PCDHGC4: variants seen among roughly 807,000 people sequenced by gnomAD.
The protein encoded by PCDHGC4 is protocadherin gamma-C4.
Under a neutral mutation model 59.7 loss-of-function variants are expected in PCDHGC4, and 15 were observed. The ratio of observed to expected loss-of-function variants is 0.25; its 90% CI spans 0.17 to 0.39. The LOEUF is 0.39. PCDHGC4 is among the 10% of genes least tolerant of loss of function. PCDHGC4 has a pLI of 1.00. For missense variants in PCDHGC4, 1,016 were observed against 1,189.5 expected (o/e 0.85, Z 2.15); for synonymous variants, 434 against 481.4 (o/e 0.90, Z 1.29).
Position 141,501,290 on chromosome 5 carries a change from TACACACACACACAC to T in PCDHGC4, c.2502-4072_2502-4059del, listed in dbSNP as rs55762287. ...GTCCAGTCTATGGGATATTCCCTTA[TACACACACACACAC>T]ACACACACACACACACACACACACA... On this transcript the variant is annotated intron_variant, in intron 2 of 3. Transcript: ENST00000306593. Among the ~76,000 whole-genome samples, 10 of 136,248 alleles carry T rather than the reference TACACACACACACAC, an allele frequency of 7.3e-5. No homozygotes were observed. In the South Asian group the frequency reaches 1.2e-3, roughly 16 times the overall value. 89.4% of individuals were successfully genotyped at this position (136,248 alleles called of 152,430 possible).
chr5:141,505,911 A>C (rs2099849083), intron 3 of PCDHGC4, among the ~76,000 whole-genome samples: 1 of 152,154 alleles, frequency 6.6e-6, no homozygotes, highest in South Asian at 2.1e-4. Flanking sequence ...CAAAGCATAG[A>C]GTTCTGGGCC....
In PCDHGC4 at chr5:141,486,017, A is replaced by G. The variant is rs746747518; in HGVS notation, c.844A>G (p.Ser282Gly). Residue 282 changes from serine (S) to glycine (G), a missense_variant, in exon 1 of 4, where the codon AGT (serine) becomes GGT (glycine). Physicochemically the swap from Ser to Gly is moderately conservative, Grantham distance 56 (BLOSUM62 0). Transcript: ENST00000306593. The surrounding 1 kb of genome is among the most constrained non-coding windows in gnomAD (Gnocchi z 5.0). ...CAGTGGTAACGTCACCTTTTATTTC[A>G]GTGGTCATACCCCTGATCGTGTAAG... ...GPSGNVTFYF[S>G]GHTPDRVRNL... The G allele has an allele frequency of 6.2e-7, 1 of 1,614,176 alleles. No homozygotes were observed. The highest frequency in any genetic ancestry group is 1.7e-5 in the Admixed American group (1 of 60,026).
Position 141,485,395 on chromosome 5 carries a change from C to T in PCDHGC4, c.222C>T (p.His74=). The change falls in exon 1 of 4, where the codon CAC becomes CAT. Residue 74 remains histidine, a synonymous_variant. Coordinates refer to ENST00000306593, the MANE Select transcript of PCDHGC4 (RefSeq NM_018928.3). The surrounding 1 kb of genome is among the most constrained non-coding windows in gnomAD (Gnocchi z 5.7). The part of the protein sequence containing the change: ...LQVAGEVNQR[H]FRVDLDSGAL... Reference sequence around the variant, plus strand: ...TCGCTGGAGAGGTGAACCAAAGACACTTCCGTGTGGATTTGGACAGCGGAG... The same window carrying T: ...TCGCTGGAGAGGTGAACCAAAGACATTTCCGTGTGGATTTGGACAGCGGAG... 5 of 1,614,154 alleles carry T rather than the reference C, an allele frequency of 3.1e-6. No homozygotes were observed. Among genetic ancestry groups the T allele is most frequent in the Non-Finnish European group, 3.4e-6 (4 of 1,180,026 alleles).
Position 141,491,300 on chromosome 5 carries a change from G to A in PCDHGC4, c.2443-3507G>A, listed in dbSNP as rs2099710472. On this transcript the variant is annotated intron_variant, in intron 1 of 3. Coordinates refer to ENST00000306593, the MANE Select transcript of PCDHGC4 (RefSeq NM_018928.3). This position sits in a 1 kb window ranked among gnomAD's most constrained non-coding sequence, Gnocchi z 6.9. ...GACTTCCTCATACACCCTCCTGAGC[G>A]TTCAGACCTTACCCTTTACCTCATT... 1 of 1,614,136 alleles carries A rather than the reference G, an allele frequency of 6.2e-7. No homozygotes were observed. The highest frequency in any genetic ancestry group is 1.1e-5 in the South Asian group (1 of 91,086).
rs907427230 is a variant in PCDHGC4, at chr5:141,489,936, G to A, written c.2442+2321G>A. 4 of 1,614,096 alleles carry A rather than the reference G, an allele frequency of 2.5e-6. No homozygotes were observed. In the African/African-American group the frequency reaches 5.3e-5, roughly 22 times the overall value. ...GGACCACCCTTATCTCTGTCATCGT[G>A]CTGGACATCAATGATAATGCTCCAA... is the stretch of plus-strand genomic sequence containing the variant. On this transcript the variant is annotated intron_variant, in intron 1 of 3. Coordinates refer to ENST00000306593, the MANE Select transcript of PCDHGC4 (RefSeq NM_018928.3). This position sits in a 1 kb window ranked among gnomAD's most constrained non-coding sequence, Gnocchi z 4.5.
chr5:141,511,293 G>A lies in PCDHGC4; in HGVS notation c.*120G>A, dbSNP rs1028501355. On this transcript the variant is annotated 3_prime_UTR_variant, in exon 4 of 4. Coordinates refer to ENST00000306593, the MANE Select transcript of PCDHGC4 (RefSeq NM_018928.3). ...CCCCAGAATACTGGTAGGGGCCAAG[G>A]CCATGCTCCCCTTGGGAAACAGAAA... The A allele has an allele frequency of 3.3e-6, 5 of 1,509,316 alleles. No individual in the cohort carries two copies. In the African/African-American group the frequency reaches 5.6e-5, roughly 17 times the overall value. The allele number at this position is 1,509,316 out of a possible 1,614,324, so 93.5% of individuals were successfully genotyped here.
chr5:141,504,680 A>G (rs912248504), intron 2 of PCDHGC4, among the ~76,000 whole-genome samples: 1 of 150,294 alleles, frequency 6.7e-6, no homozygotes, highest in Non-Finnish European at 1.5e-5. Flanking sequence ...GGGTTCTTGT[A>G]AAATAGGAGG....
chr5:141,491,327 T>C lies in PCDHGC4; in HGVS notation c.2443-3480T>C, dbSNP rs1422115943. ...TCAGACCTTACCCTTTACCTCATTG[T>C]GGCTCTAGCGACCGTCAGTCTCTTA... is the stretch of plus-strand genomic sequence containing the variant. On this transcript the variant is annotated intron_variant, in intron 1 of 3. Coordinates refer to ENST00000306593, the MANE Select transcript of PCDHGC4 (RefSeq NM_018928.3). This position sits in a 1 kb window ranked among gnomAD's most constrained non-coding sequence, Gnocchi z 6.9. 5.6e-6 allele frequency: 9 copies of C among 1,614,098 alleles called. No homozygotes were observed. Among genetic ancestry groups the C allele is most frequent in the Admixed American group, 3.3e-5 (2 of 60,006 alleles).
intron 2 of PCDHGC4, among the ~76,000 whole-genome samples, chr5:141,495,834 C>T (rs1366861675): frequency 6.6e-6 from 1 of 152,198 alleles, no homozygotes; most frequent in African/African-American, 2.4e-5. Context: ...CTATCCCCAG[C>T]CTCTATGTTT....
intron 3 of PCDHGC4, among the ~76,000 whole-genome samples, chr5:141,506,948 G>A (rs949082646): frequency 6.6e-6 from 1 of 152,162 alleles, no homozygotes; most frequent in Non-Finnish European, 1.5e-5. Flanking sequence ...TCCTGTCAAT[G>A]AATCCTCTCA....
In PCDHGC4 at chr5:141,490,052, A is replaced by G. The variant is rs774710472; in HGVS notation, c.2442+2437A>G. 11 of 1,614,098 alleles carry G rather than the reference A, an allele frequency of 6.8e-6. No homozygotes were observed. The highest frequency in any genetic ancestry group is 9.3e-6 in the Non-Finnish European group (11 of 1,180,014). On this transcript the variant is annotated intron_variant, in intron 1 of 3. Transcript: ENST00000306593. The surrounding 1 kb of genome is among the most constrained non-coding windows in gnomAD (Gnocchi z 5.4). ...CGCCTCAATGCCACTGATCCAGACG[A>G]GGGCACCAACGGCCAACTAGACTAT... is the stretch of plus-strand genomic sequence containing the variant.
At chr5:141,501,628 C>T (rs1217355708) in intron 2 of PCDHGC4, among the ~76,000 whole-genome samples, 1 of 152,112 alleles carries the variant, frequency 6.6e-6, no homozygotes, top group Non-Finnish European at 1.5e-5. Flanking sequence ...TATAGTCTCT[C>T]AACCTCTCTG....
chr5:141,504,550 G>A (rs944574179), intron 2 of PCDHGC4, among the ~76,000 whole-genome samples: 2 of 151,586 alleles, frequency 1.3e-5, no homozygotes, highest in Non-Finnish European at 2.9e-5. Context: ...GCAAATGTTG[G>A]GGGACTGGCA....
Position 141,485,156 on chromosome 5 carries a change from A to G in PCDHGC4, c.-18A>G. The G allele has an allele frequency of 6.3e-7, 1 of 1,599,118 alleles. No homozygotes were observed. The highest frequency in any genetic ancestry group is 8.6e-7 in the Non-Finnish European group (1 of 1,168,318). On this transcript the variant is annotated 5_prime_UTR_variant, in exon 1 of 4. Transcript: ENST00000306593. The surrounding 1 kb of genome is among the most constrained non-coding windows in gnomAD (Gnocchi z 5.7). ...ATCCGCGTCTCAGGAGCAAGTAGAG[A>G]ATTAGCGGGCGGCAGCAATGCTCCG... is the stretch of plus-strand genomic sequence containing the variant.
At chr5:141,494,976 G>A in intron 2 of PCDHGC4, 111 bp downstream of exon 2, 1 of 1,575,636 alleles carries the variant, frequency 6.3e-7, no homozygotes. Flanking sequence ...TTCTCCCTCA[G>A]TTTGAGATCC....
chr5:141,492,602 C>G (rs1352851783), intron 1 of PCDHGC4, among the ~76,000 whole-genome samples: 2 of 152,222 alleles, frequency 1.3e-5, no homozygotes, highest in Non-Finnish European at 2.9e-5. Flanking sequence ...GAGCGACTGC[C>G]GCTCTAAGTG....
intron 2 of PCDHGC4, among the ~76,000 whole-genome samples, chr5:141,503,851 A>C (rs1484022055): frequency 6.6e-6 from 1 of 152,116 alleles, no homozygotes; most frequent in Non-Finnish European, 1.5e-5. Context: ...CCTTGGAAAA[A>C]TTGTAAAGCA....
chr5:141,499,565 C>CTTATCTTGT (rs2099792732), intron 2 of PCDHGC4, among the ~76,000 whole-genome samples: 2 of 152,168 alleles, frequency 1.3e-5, no homozygotes, highest in Non-Finnish European at 2.9e-5. Flanking sequence ...CACTATCCAG[C>CTTATCTTGT]TTCAACTAAT....
rs200491568 is a variant in PCDHGC4, at chr5:141,493,146, G to A, written c.2443-1661G>A. 9.6e-6 allele frequency among the ~76,000 whole-genome samples: 1 copy of A among 104,172 alleles called. No homozygotes were observed. The highest frequency in any genetic ancestry group is 3.1e-5 in the African/African-American group (1 of 32,680). 68.3% of individuals were successfully genotyped at this position (104,172 alleles called of 152,430 possible). A position where few individuals can be genotyped will look rare whatever the true frequency, so the allele number is the denominator to read the frequency against. On this transcript the variant is annotated intron_variant, in intron 1 of 3. Transcript: ENST00000306593. The surrounding 1 kb of genome is among the most constrained non-coding windows in gnomAD (Gnocchi z 4.3). ...AGGACTGTATTTTGAAACACCCCCA[G>A]GTGATTTTGATAGCTGATTGAGAGA... is the stretch of plus-strand genomic sequence containing the variant.
Sources: allele counts gnomAD v4.1 joint callset (sites outside exome capture counted in the v4.1 genomes callset), GRCh38; gene constraint gnomAD v4.1.1; non-coding constraint Gnocchi (gnomAD v3.1); transcripts MANE v1.5; gene names NCBI Gene and HGNC (gene_info 2026-07-23, HGNC 2026-07-21).